OSBPL3: variants seen among roughly 807,000 people sequenced by gnomAD.
OSBPL3 encodes the protein oxysterol binding protein like 3.
In OSBPL3, 65 loss-of-function variants were observed where a neutral mutation model predicts 120.1. That is an observed-to-expected ratio of 0.54 (90% CI 0.44 to 0.67). OSBPL3 has a LOEUF of 0.67. Ranked by LOEUF, OSBPL3 falls within the 30% of genes least tolerant of loss-of-function variation. The pLI is 0.00. For missense variants in OSBPL3, 1,004 were observed against 1,082.1 expected (o/e 0.93, Z 1.01); for synonymous variants, 416 against 402.6 (o/e 1.03, Z -0.40).
chr7:24,944,076 T>TA (rs70942898), intron 1 of OSBPL3, among the ~76,000 whole-genome samples: 9,776 of 118,500 alleles, frequency 0.082, 511 homozygotes, highest in East Asian at 0.3. Flanking sequence ...CAGTCTAAAG[T>TA]AAAAAAAAAA....
Position 24,913,509 on chromosome 7 carries a change from C to A in OSBPL3, c.-149-20888G>T, listed in dbSNP as rs1208548466. Reference sequence around the variant, plus strand: ...CCCTTATAAAGTCACTTACAAGAAGCAGACACGGTCTAGTGTGGGGGCCAA... The same window carrying A: ...CCCTTATAAAGTCACTTACAAGAAGAAGACACGGTCTAGTGTGGGGGCCAA... On this transcript the variant is annotated intron_variant, in intron 1 of 22. Transcript: ENST00000313367. This position sits in a 1 kb window ranked among gnomAD's most constrained non-coding sequence, Gnocchi z 5.3. 6.6e-6 allele frequency among the ~76,000 whole-genome samples: 1 copy of A among 152,122 alleles called. No individual in the cohort carries two copies. The highest frequency in any genetic ancestry group is 1.5e-5 in the Non-Finnish European group (1 of 68,014).
chr7:24,845,384 T>TTAAAAAAAA (rs1798287457), intron 12 of OSBPL3, among the ~76,000 whole-genome samples: 3 of 62,264 alleles, frequency 4.8e-5, no homozygotes, highest in African/African-American at 1.3e-4. Flanking sequence ...GCAAAATAAG[T>TTAAAAAAAA]AAAAAAAAAA....
rs1184789122 is a variant in OSBPL3, at chr7:24,881,442, AG to A, written c.97-9374del. 1.3e-5 allele frequency among the ~76,000 whole-genome samples: 2 copies of A among 152,222 alleles called. No individual in the cohort carries two copies. Among genetic ancestry groups the A allele is most frequent in the Admixed American group, 6.5e-5 (1 of 15,284 alleles). ...GCTTAAAGGTCCAAAGCTCATTATCAGGAACTAGAGATACAAAGATGTAAAA... is the reference window on the plus strand; with the variant it reads ...GCTTAAAGGTCCAAAGCTCATTATCAGAACTAGAGATACAAAGATGTAAAA... On this transcript the variant is annotated intron_variant, in intron 2 of 22. Coordinates refer to ENST00000313367, the MANE Select transcript of OSBPL3 (RefSeq NM_015550.4). This position sits in a 1 kb window ranked among gnomAD's most constrained non-coding sequence, Gnocchi z 4.3.
rs535514285 is a variant in OSBPL3, at chr7:24,854,920, T to C, written c.1028-2286A>G. 6.6e-6 allele frequency among the ~76,000 whole-genome samples: 1 copy of C among 152,292 alleles called. No individual in the cohort carries two copies. The highest frequency in any genetic ancestry group is 2.4e-5 in the African/African-American group (1 of 41,566). On this transcript the variant is annotated intron_variant, in intron 10 of 22. Coordinates refer to ENST00000313367, the MANE Select transcript of OSBPL3 (RefSeq NM_015550.4). The surrounding 1 kb of genome is among the most constrained non-coding windows in gnomAD (Gnocchi z 4.1). ...ATAAATAACAAATGTTACTGCAATA[T>C]CATAGTGATACCGATGAAGGAGACA...
Position 24,828,623 on chromosome 7 carries a change from A to G in OSBPL3, c.1884+2145T>C, listed in dbSNP as rs1231614205. 4.1e-4 allele frequency among the ~76,000 whole-genome samples: 22 copies of G among 53,654 alleles called. No individual in the cohort carries two copies. In the East Asian group the frequency reaches 6.1e-3, roughly 15 times the overall value. The allele number at this position is 53,654 out of a possible 152,430, so 35.2% of individuals were successfully genotyped here. A position where few individuals can be genotyped will look rare whatever the true frequency, so the allele number is the denominator to read the frequency against. On this transcript the variant is annotated intron_variant, in intron 16 of 22. Transcript: ENST00000313367. Reference sequence around the variant, plus strand: ...CTCTGTCTGAAAAAAAAAAAAAAAGAAAAAAAAAAAAAAGGCATCGTAGAA... The same window carrying G: ...CTCTGTCTGAAAAAAAAAAAAAAAGGAAAAAAAAAAAAAGGCATCGTAGAA...
At position 24,803,510 on chromosome 7, in the gene OSBPL3, G is replaced by A. The variant is rs1584164367; in HGVS notation, c.2567+805C>T. On this transcript the variant is annotated intron_variant, in intron 22 of 22. Coordinates refer to ENST00000313367, the MANE Select transcript of OSBPL3 (RefSeq NM_015550.4). This position sits in a 1 kb window ranked among gnomAD's most constrained non-coding sequence, Gnocchi z 4.2. Reference sequence around the variant, plus strand: ...AAATTTATATCTATTGGCTGGGCACGGTGGCTCTTACCTGTACTTTGGGAG... The same window carrying A: ...AAATTTATATCTATTGGCTGGGCACAGTGGCTCTTACCTGTACTTTGGGAG... Among the ~76,000 whole-genome samples the A allele has an allele frequency of 2.0e-5, 3 of 152,064 alleles. No homozygotes were observed. Among genetic ancestry groups the A allele is most frequent in the African/African-American group, 7.2e-5 (3 of 41,402 alleles).
chr7:24,832,419 A>G (rs1796491516), intron 15 of OSBPL3, among the ~76,000 whole-genome samples: 3 of 149,512 alleles, frequency 2.0e-5, no homozygotes, highest in Non-Finnish European at 4.5e-5. Context: ...CTGAAGTAGG[A>G]GAATCACTTG....
At chr7:24,837,641 T>C (rs1331191899) in intron 14 of OSBPL3, among the ~76,000 whole-genome samples, 1 of 152,260 alleles carries the variant, frequency 6.6e-6, no homozygotes, top group African/African-American at 2.4e-5. Flanking sequence ...ATATCTTGCA[T>C]TTTATTCTGT....
chr7:24,891,950 G>A lies in OSBPL3; in HGVS notation c.96+427C>T, dbSNP rs904272644. Reference sequence around the variant, plus strand: ...GTTGGGGTGGATATTATAATTACCAGAAAAATGATTGATTGTTTTTTTGTT... The same window carrying A: ...GTTGGGGTGGATATTATAATTACCAAAAAAATGATTGATTGTTTTTTTGTT... On this transcript the variant is annotated intron_variant, in intron 2 of 22. Transcript: ENST00000313367. The surrounding 1 kb of genome is among the most constrained non-coding windows in gnomAD (Gnocchi z 4.1). Among the ~76,000 whole-genome samples the A allele has an allele frequency of 3.3e-5, 5 of 152,180 alleles. No homozygotes were observed. Among genetic ancestry groups the A allele is most frequent in the Non-Finnish European group, 7.3e-5 (5 of 68,036 alleles).
chr7:24,807,903 C>CCTTTT lies in OSBPL3; in HGVS notation c.2318-1006_2318-1002dup, dbSNP rs796467843. Among the ~76,000 whole-genome samples the CCTTTT allele has an allele frequency of 2.0e-5, 3 of 152,212 alleles. No homozygotes were observed. The South Asian group carries it at 6.2e-4, about 32-fold the overall frequency. Reference sequence around the variant, plus strand: ...GCCAGTAACTCTTCTGCAGACCCCCCCTTTTTTTTTATTGAAAGGGTCTCA... The same window carrying CCTTTT: ...GCCAGTAACTCTTCTGCAGACCCCCCCTTTTCTTTTTTTTTATTGAAAGGGTCTCA... On this transcript the variant is annotated intron_variant, in intron 20 of 22. Coordinates refer to ENST00000313367, the MANE Select transcript of OSBPL3 (RefSeq NM_015550.4).
At chr7:24,963,946 C>T (rs1416076779) in intron 1 of OSBPL3, among the ~76,000 whole-genome samples, 8 of 151,774 alleles carry the variant, frequency 5.3e-5, no homozygotes, top group Admixed American at 2.6e-4. Context: ...AAAGGACATG[C>T]TAAAAAAAAA....
At position 24,817,949 on chromosome 7, in the gene OSBPL3, G is replaced by T. The variant is rs1278709959; in HGVS notation, c.1949-1261C>A. Among the ~76,000 whole-genome samples the T allele has an allele frequency of 6.6e-6, 1 of 152,226 alleles. No homozygotes were observed. Among genetic ancestry groups the T allele is most frequent in the Non-Finnish European group, 1.5e-5 (1 of 68,038 alleles). On this transcript the variant is annotated intron_variant, in intron 17 of 22. Coordinates refer to ENST00000313367, the MANE Select transcript of OSBPL3 (RefSeq NM_015550.4). The surrounding 1 kb of genome is among the most constrained non-coding windows in gnomAD (Gnocchi z 4.0). The stretch of plus-strand genomic sequence containing the variant: ...AAGAACAGCAAGAGGATCCCATCTG[G>T]CTGCTGCACTGAGGATCTACAGATC...
rs974352756 is a variant in OSBPL3 at position 24,803,223 on chromosome 7, C to T, written c.2567+1092G>A. ...AAAACAATGAAAAGACACTGGTGGC[C>T]CTGGAAGGACTTGGGCAGATGGAGT... is the stretch of plus-strand genomic sequence containing the variant. On this transcript the variant is annotated intron_variant, in intron 22 of 22. Transcript: ENST00000313367. This position sits in a 1 kb window ranked among gnomAD's most constrained non-coding sequence, Gnocchi z 4.2. Among the ~76,000 whole-genome samples the T allele has an allele frequency of 3.3e-5, 5 of 152,018 alleles. No individual in the cohort carries two copies. Among genetic ancestry groups the T allele is most frequent in the African/African-American group, 1.2e-4 (5 of 41,366 alleles).
chr7:24,909,269 G>A (rs1808420147), intron 1 of OSBPL3, among the ~76,000 whole-genome samples: 1 of 152,136 alleles, frequency 6.6e-6, no homozygotes, highest in Non-Finnish European at 1.5e-5. Context: ...TCTAATAAGA[G>A]GCTTTCACTT....
intron 19 of OSBPL3, chr7:24,810,153 C>G: frequency 1.8e-6 from 1 of 546,012 alleles, no homozygotes; most frequent in South Asian, 2.4e-5. Flanking sequence ...TGTCTTGAAA[C>G]ATGTATACAT....
At chr7:24,974,157 C>A (rs1200495936) in intron 1 of OSBPL3, among the ~76,000 whole-genome samples, 1 of 152,210 alleles carries the variant, frequency 6.6e-6, no homozygotes, top group Non-Finnish European at 1.5e-5. Context: ...TGAATAGCCA[C>A]ATGCGACCAA....
chr7:24,871,135 G>A lies in OSBPL3; in HGVS notation c.268-290C>T, dbSNP rs568223679. ...GTGAGGAAACAAAAGAGTAAGCACCGTGGGTTGACTCCCATGGCAGTGAAT... is the reference window on the plus strand; with the variant it reads ...GTGAGGAAACAAAAGAGTAAGCACCATGGGTTGACTCCCATGGCAGTGAAT... On this transcript the variant is annotated intron_variant, in intron 4 of 22. Transcript: ENST00000313367. This position sits in a 1 kb window ranked among gnomAD's most constrained non-coding sequence, Gnocchi z 4.8. Among the ~76,000 whole-genome samples, 1 of 152,344 alleles carries A rather than the reference G, an allele frequency of 6.6e-6. No individual in the cohort carries two copies. The highest frequency in any genetic ancestry group is 2.4e-5 in the African/African-American group (1 of 41,578).
intron 12 of OSBPL3, among the ~76,000 whole-genome samples, chr7:24,847,555 T>C (rs1424679078): frequency 6.6e-6 from 1 of 152,222 alleles, no homozygotes; most frequent in Admixed American, 6.5e-5. Context: ...TTTAAAAACA[T>C]GTATTTTAAA....
At position 24,840,754 on chromosome 7, in the gene OSBPL3, G is replaced by C; in HGVS notation, c.1431C>G (p.Asp477Glu). The part of the protein sequence containing the change: ...EISDDDSYVS[D>E]ISDNLSLDNL... Reference sequence around the variant, plus strand: ...TATCTAAGGAAAGATTATCACTTATGTCACTGACATATGAGTCATCATCAG... The same window carrying C: ...TATCTAAGGAAAGATTATCACTTATCTCACTGACATATGAGTCATCATCAG... Residue 477 changes from aspartate to glutamate, a missense_variant, in exon 14 of 23, where the codon GAC (aspartate) becomes GAG (glutamate). Around this residue, in one of 4 missense-constraint regions of OSBPL3, gnomAD observed 473 missense variants for 568.0 expected, o/e 0.83. Transcript: ENST00000313367. 1 of 1,467,536 alleles carries C rather than the reference G, an allele frequency of 6.8e-7. No homozygotes were observed. The highest frequency in any genetic ancestry group is 9.4e-7 in the Non-Finnish European group (1 of 1,064,992). The allele number at this position is 1,467,536 out of a possible 1,614,324, so 90.9% of individuals were successfully genotyped here. A position where few individuals can be genotyped will look rare whatever the true frequency, so the allele number is the denominator to read the frequency against.
Sources: gnomAD v4.1 joint callset for allele counts (sites outside exome capture counted in the v4.1 genomes callset) on GRCh38, gnomAD v4.1.1 for gene constraint, gnomAD v4.1.1 regional missense constraint, Gnocchi (gnomAD v3.1) non-coding constraint, MANE v1.5 for transcripts, NCBI Gene and HGNC (gene_info 2026-07-23, HGNC 2026-07-21) for gene names.